Variants in AVEN observed in about 807,000 individuals in gnomAD.
AVEN encodes the protein cell death regulator Aven.
A neutral mutation model predicts 38.1 loss-of-function variants in AVEN; 41 were observed. The observed-to-expected ratio is 1.08, with a 90% CI of 0.84 to 1.40. AVEN has a LOEUF of 1.40. Ranked by LOEUF, AVEN falls within the 40% of genes most tolerant of loss-of-function variation. The pLI, the probability that AVEN is intolerant of heterozygous loss-of-function variation, is 0.00. For synonymous variants in AVEN, 206 were observed against 171.8 expected (o/e 1.20, Z -1.56); for missense variants, 605 against 438.8 (o/e 1.38, Z -3.38).
chr15:34,048,403 C>T (rs985531753), intron 5 of AVEN, among the ~76,000 whole-genome samples: 7 of 151,222 alleles, frequency 4.6e-5, no homozygotes, highest in Non-Finnish European at 8.8e-5. Context: ...GGAAGGGTCC[C>T]CCACAACGAG....
At chr15:33,879,445 T>C (rs1332058151) in intron 2 of AVEN, among the ~76,000 whole-genome samples, 1 of 150,366 alleles carries the variant, frequency 6.7e-6, no homozygotes, top group Non-Finnish European at 1.5e-5. Context: ...GAGATATATC[T>C]AATGCTAAAT....
intron 2 of AVEN, among the ~76,000 whole-genome samples, chr15:33,901,817 G>A (rs1386519728): frequency 2.6e-5 from 4 of 152,168 alleles, no homozygotes; most frequent in African/African-American, 9.7e-5. Flanking sequence ...CTTTTTTGGA[G>A]AAATGTCTAT....
At chr15:33,876,047 A>T in intron 2 of AVEN, 52 bp from the exon 3 acceptor site, 1 of 1,533,276 alleles carries the variant, frequency 6.5e-7, no homozygotes, top group Non-Finnish European at 8.9e-7. Flanking sequence ...GGAAACTCTC[A>T]GTTCTCTAAA....
intron 2 of AVEN, among the ~76,000 whole-genome samples, chr15:33,965,851 T>C (rs1895362255): frequency 6.6e-6 from 1 of 152,112 alleles, no homozygotes; most frequent in South Asian, 2.1e-4. Flanking sequence ...CTCTGAACAA[T>C]ACAGTTCATG....
chr15:33,997,110 A>G (rs549549221), intron 2 of AVEN, among the ~76,000 whole-genome samples: 29 of 152,342 alleles, frequency 1.9e-4, no homozygotes, highest in Middle Eastern at 3.4e-3. Flanking sequence ...CTTCTAGAAA[A>G]TATAGGAGAA....
chr15:34,067,987 A>T (rs559681275), intron 2 of AVEN, among the ~76,000 whole-genome samples: 14 of 152,366 alleles, frequency 9.2e-5, no homozygotes, highest in African/African-American at 3.4e-4. Context: ...AAGCAATTAA[A>T]AACAAAACAA....
At chr15:34,027,742 C>G (rs1898556185) in intron 1 of AVEN, among the ~76,000 whole-genome samples, 1 of 151,348 alleles carries the variant, frequency 6.6e-6, no homozygotes, top group Admixed American at 6.6e-5. Flanking sequence ...TGCAAACAGT[C>G]CTATTACCAG....
intron 2 of AVEN, among the ~76,000 whole-genome samples, chr15:33,957,603 C>G (rs1004880597): frequency 6.6e-6 from 1 of 151,486 alleles, no homozygotes; most frequent in Non-Finnish European, 1.5e-5. Flanking sequence ...AAATGTCTGT[C>G]AACAGGAGAA....
intron 11 of AVEN, chr15:33,860,945 G>C (rs1043383971): frequency 4.6e-6 from 3 of 657,774 alleles, no homozygotes; most frequent in African/African-American, 4.4e-5. Context: ...TGGCACTACT[G>C]AGTGAATGAC....
At chr15:33,913,201 T>TA (rs915222600) in intron 2 of AVEN, among the ~76,000 whole-genome samples, 1 of 152,136 alleles carries the variant, frequency 6.6e-6, no homozygotes, top group African/African-American at 2.4e-5. Context: ...CATAATTTTT[T>TA]AAAAAAAGAA....
chr15:33,864,296 G>A (rs563884703), downstream of AVEN: 466 of 831,986 alleles, frequency 5.6e-4, no homozygotes, highest in Non-Finnish European at 4.5e-4. Flanking sequence ...CATTAATCCC[G>A]TGAATGCATT....
intron 2 of AVEN, among the ~76,000 whole-genome samples, chr15:33,878,671 G>A (rs1005220267): frequency 3.9e-5 from 6 of 152,020 alleles, no homozygotes; most frequent in Non-Finnish European, 4.4e-5. Context: ...GAGAAGTAAC[G>A]TTTGTAGCAC....
chr15:33,857,490 A>T (rs1012678295), downstream of AVEN, among the ~76,000 whole-genome samples: 3 of 151,960 alleles, frequency 2.0e-5, no homozygotes, highest in African/African-American at 7.3e-5. Flanking sequence ...TCACATTCTG[A>T]GGTACTGGAG....
chr15:33,864,797 C>T, downstream of AVEN: 1 of 244,694 alleles, frequency 4.1e-6, no homozygotes, highest in Admixed American at 5.0e-5. Context: ...TAAACGTTCC[C>T]TCAAGCATTC....
At chr15:33,862,966 A>G (rs1888969579), downstream of AVEN, among the ~76,000 whole-genome samples, 2 of 152,166 alleles carry the variant, frequency 1.3e-5, no homozygotes. Context: ...CTTCCTCATG[A>G]GTATTTATCA....
downstream of AVEN, chr15:33,865,165 G>C (rs768369103): frequency 7.4e-6 from 12 of 1,613,788 alleles, no homozygotes; most frequent in Non-Finnish European, 1.0e-5. Flanking sequence ...CAAGAAAGGT[G>C]TTGGGATTTC....
intron 2 of AVEN, among the ~76,000 whole-genome samples, chr15:33,919,863 TAATG>T (rs1335811244): frequency 1.3e-5 from 2 of 152,230 alleles, no homozygotes; most frequent in African/African-American, 2.4e-5. Flanking sequence ...TTTCCATTCA[TAATG>T]AATGTAGATA....
intron 2 of AVEN, among the ~76,000 whole-genome samples, chr15:33,906,986 C>G (rs911967441): frequency 1.3e-5 from 2 of 152,076 alleles, no homozygotes. Context: ...GGTTAACAGG[C>G]TTTCCAATGT....
chr15:33,879,477 C>A (rs1248072871), intron 2 of AVEN, among the ~76,000 whole-genome samples: 2 of 151,598 alleles, frequency 1.3e-5, no homozygotes, highest in Admixed American at 1.3e-4. Flanking sequence ...GGGTGCAGCA[C>A]ACCAGCATGG....
Sources: allele counts gnomAD v4.1 joint callset (sites outside exome capture counted in the v4.1 genomes callset), GRCh38; gene constraint gnomAD v4.1.1; transcripts MANE v1.5; gene names NCBI Gene and HGNC (gene_info 2026-07-23, HGNC 2026-07-21).